The following CNTFR variants were observed in gnomAD, a reference collection of about 807,000 sequenced individuals.
The protein encoded by CNTFR is ciliary neurotrophic factor receptor.
In CNTFR, 12 loss-of-function variants were observed where a neutral mutation model predicts 40.4. That is an observed-to-expected ratio of 0.30 (90% CI 0.19 to 0.48). CNTFR has a LOEUF of 0.48. CNTFR is among the 20% of genes least tolerant of loss of function. The pLI, the probability that CNTFR is intolerant of heterozygous loss-of-function variation, is 0.99. For synonymous variants in CNTFR, 202 were observed against 209.6 expected (o/e 0.96, Z 0.31); for missense variants, 414 against 506.8 (o/e 0.82, Z 1.76).
chr9:34,576,976 C>T (rs897454956), intron 2 of CNTFR, among the ~76,000 whole-genome samples: 2 of 152,232 alleles, frequency 1.3e-5, no homozygotes, highest in East Asian at 3.8e-4. Context: ...ACTCCAGCCC[C>T]CCAGCCCCCA....
intron 1 of CNTFR, among the ~76,000 whole-genome samples, chr9:34,585,769 C>T (rs184286942): frequency 1.8e-4 from 28 of 152,304 alleles, no homozygotes; most frequent in Admixed American, 5.9e-4. Flanking sequence ...TCCCCCACTA[C>T]CCCCACCCAA....
At position 34,552,965 on chromosome 9, in the gene CNTFR, G is replaced by T; in HGVS notation, c.769-111C>A. ...GAGGAGAGGAGAGTAAAGGGCTCTG[G>T]GGGCAGTGAGGACTTCCCTGAGGAG... On this transcript the variant is annotated intron_variant, in intron 7 of 9. Coordinates refer to ENST00000378980, the MANE Select transcript of CNTFR (RefSeq NM_147164.3). This position sits in a 1 kb window ranked among gnomAD's most constrained non-coding sequence, Gnocchi z 5.1. 1 of 992,422 alleles carries T rather than the reference G, an allele frequency of 1.0e-6. No individual in the cohort carries two copies. The highest frequency in any genetic ancestry group is 1.5e-6 in the Non-Finnish European group (1 of 663,262). The allele number at this position is 992,422 out of a possible 1,614,324, so 61.5% of individuals were successfully genotyped here. A position where few individuals can be genotyped will look rare whatever the true frequency, so the allele number is the denominator to read the frequency against.
At chr9:34,570,571 A>C (rs1287547213) in intron 2 of CNTFR, among the ~76,000 whole-genome samples, 1 of 152,216 alleles carries the variant, frequency 6.6e-6, no homozygotes, top group African/African-American at 2.4e-5. Context: ...GCTTGAGAGA[A>C]GAGCCAGAGC....
chr9:34,571,498 T>A (rs1826639007), intron 2 of CNTFR: 1 of 152,022 alleles, frequency 6.6e-6, no homozygotes, highest in Admixed American at 6.6e-5. Flanking sequence ...TGGCCTCTAC[T>A]CCCAGCTCCT....
rs1448683820 is a variant in CNTFR at position 34,552,948 on chromosome 9, G to A, written c.769-94C>T. The A allele has an allele frequency of 8.1e-7, 1 of 1,234,126 alleles. No homozygotes were observed. Among genetic ancestry groups the A allele is most frequent in the Non-Finnish European group, 1.1e-6 (1 of 873,300 alleles). The allele number at this position is 1,234,126 out of a possible 1,614,324, so 76.4% of individuals were successfully genotyped here. ...GAAGTGAGCATGCCTCTGAGGAGAGGAGAGTAAAGGGCTCTGGGGGCAGTG... is the reference window on the plus strand; with the variant it reads ...GAAGTGAGCATGCCTCTGAGGAGAGAAGAGTAAAGGGCTCTGGGGGCAGTG... On this transcript the variant is annotated intron_variant, in intron 7 of 9. Coordinates refer to ENST00000378980, the MANE Select transcript of CNTFR (RefSeq NM_147164.3). This position sits in a 1 kb window ranked among gnomAD's most constrained non-coding sequence, Gnocchi z 5.1.
At position 34,564,706 on chromosome 9, in the gene CNTFR, C is replaced by T. The variant is rs765678109; in HGVS notation, c.212G>A (p.Gly71Asp). Reference sequence around the variant, plus strand: ...CAGGCCATGGAGCACCAGCTGAGAGCCGTTGAGCAGGTCAGGGGCCAGGTC... The same window carrying T: ...CAGGCCATGGAGCACCAGCTGAGAGTCGTTGAGCAGGTCAGGGGCCAGGTC... ...GTDLAPDLLN[G>D]SQLVLHGLEL... Residue 71 changes from glycine (G) to aspartate (D), a missense_variant, in exon 4 of 10, where the codon GGC becomes GAC. Around this residue, in one of 3 missense-constraint regions of CNTFR, gnomAD observed 250 missense variants for 269.5 expected, o/e 0.93. Transcript: ENST00000378980. 3 of 1,613,956 alleles carry T rather than the reference C, an allele frequency of 1.9e-6. No individual in the cohort carries two copies. Among genetic ancestry groups the T allele is most frequent in the African/African-American group, 2.7e-5 (2 of 74,904 alleles).
intron 7 of CNTFR, among the ~76,000 whole-genome samples, chr9:34,555,419 C>A (rs1174465103): frequency 1.3e-5 from 2 of 152,102 alleles, no homozygotes; most frequent in African/African-American, 4.8e-5. Context: ...CCCTCTCAAC[C>A]CCACTCCTAG....
intron 2 of CNTFR, among the ~76,000 whole-genome samples, chr9:34,575,829 T>A (rs775100286): frequency 3.9e-5 from 6 of 152,200 alleles, no homozygotes; most frequent in Non-Finnish European, 7.4e-5. Flanking sequence ...TTCTGTGTTC[T>A]GTTCTCTCTG....
intron 1 of CNTFR, among the ~76,000 whole-genome samples, chr9:34,585,940 G>T (rs1009603730): frequency 5.9e-5 from 9 of 152,206 alleles, no homozygotes; most frequent in East Asian, 3.8e-4. Flanking sequence ...GCCATGGGGG[G>T]GCAGAGAGCA....
At chr9:34,558,031 C>G (rs754269103) in intron 4 of CNTFR, 47 bp from the exon 5 acceptor site, 2 of 1,363,848 alleles carry the variant, frequency 1.5e-6, no homozygotes, top group African/African-American at 2.9e-5. Context: ...AGCTCCCAGT[C>G]CCCTGCACTG....
chr9:34,551,829 G>T lies in CNTFR; in HGVS notation c.*242C>A. ...CAGCCCAAGGGGCCAGGGTGAGGGGGTCTTTGGTGGGTGGGTTAGCTGCAT... is the reference window on the plus strand; with the variant it reads ...CAGCCCAAGGGGCCAGGGTGAGGGGTTCTTTGGTGGGTGGGTTAGCTGCAT... On this transcript the variant is annotated 3_prime_UTR_variant, in exon 10 of 10. Transcript: ENST00000378980. 1.6e-6 allele frequency: 1 copy of T among 637,010 alleles called. No homozygotes were observed. The highest frequency in any genetic ancestry group is 2.4e-5 in the Admixed American group (1 of 41,806). The allele number at this position is 637,010 out of a possible 1,614,324, so 39.5% of individuals were successfully genotyped here. A position where few individuals can be genotyped will look rare whatever the true frequency, so the allele number is the denominator to read the frequency against.
Position 34,554,017 on chromosome 9 carries a change from G to A in CNTFR, c.769-1163C>T, listed in dbSNP as rs189524422. Among the ~76,000 whole-genome samples, 221 of 152,238 alleles carry A rather than the reference G, an allele frequency of 1.5e-3. 4 individuals carry two copies. Among genetic ancestry groups the A allele is most frequent in the Admixed American group, 0.012 (178 of 15,294 alleles). ...GGGCATGTGCGGTGGGTCCAAGCGG[G>A]GCAGGAAGCCCCTCCAGTTCCTGCT... On this transcript the variant is annotated intron_variant, in intron 7 of 9. Transcript: ENST00000378980.
chr9:34,557,198 G>T lies in CNTFR; in HGVS notation c.604+328C>A, dbSNP rs1052339198. Among the ~76,000 whole-genome samples, 5 of 151,470 alleles carry T rather than the reference G, an allele frequency of 3.3e-5. No individual in the cohort carries two copies. In the East Asian group the frequency reaches 5.9e-4, roughly 18 times the overall value. On this transcript the variant is annotated intron_variant, in intron 6 of 9. Coordinates refer to ENST00000378980, the MANE Select transcript of CNTFR (RefSeq NM_147164.3). This position sits in a 1 kb window ranked among gnomAD's most constrained non-coding sequence, Gnocchi z 4.2. ...GTAAGGAAGCCATTAGAGTTGGGGG[G>T]GGGTGCGGTGGAGGCTGCAGCTGCA...
chr9:34,576,890 A>C (rs56208137), intron 2 of CNTFR, among the ~76,000 whole-genome samples: 16,865 of 152,238 alleles, frequency 0.11, 1,121 homozygotes, highest in East Asian at 0.3. Context: ...CTATGTGCCC[A>C]TAACTGTCTA....
intron 4 of CNTFR, 90 bp downstream of exon 4, chr9:34,564,509 C>G: frequency 8.4e-7 from 1 of 1,193,452 alleles, no homozygotes; most frequent in Non-Finnish European, 1.2e-6. Context: ...CTCTCCATGT[C>G]CCCCTAACAG....
intron 1 of CNTFR, among the ~76,000 whole-genome samples, chr9:34,586,123 G>A (rs1827534143): frequency 6.6e-6 from 1 of 152,178 alleles, no homozygotes; most frequent in South Asian, 2.1e-4. Flanking sequence ...CCCACCCACT[G>A]ATGTTCATAG....
chr9:34,564,445 A>G (rs559501451), intron 4 of CNTFR, among the ~76,000 whole-genome samples, 154 bp downstream of exon 4: 1 of 152,360 alleles, frequency 6.6e-6, no homozygotes, highest in South Asian at 2.1e-4. Context: ...CTCAGAGGCC[A>G]GAAGAGCGGG....
Position 34,557,420 on chromosome 9 carries a change from A to G in CNTFR, c.604+106T>C. 2 of 1,280,236 alleles carry G rather than the reference A, an allele frequency of 1.6e-6. No individual in the cohort carries two copies. The highest frequency in any genetic ancestry group is 2.2e-6 in the Non-Finnish European group (2 of 910,188). 79.3% of individuals were successfully genotyped at this position (1,280,236 alleles called of 1,614,324 possible). ...TACATACCTGTGCAGAGGCATGTAC[A>G]TGCCATGTATACATGTGCATGCATG... On this transcript the variant is annotated intron_variant, in intron 6 of 9. Transcript: ENST00000378980. This position sits in a 1 kb window ranked among gnomAD's most constrained non-coding sequence, Gnocchi z 4.2.
intron 3 of CNTFR, 33 bp downstream of exon 3, chr9:34,568,864 G>A: frequency 6.5e-7 from 1 of 1,547,510 alleles, no homozygotes. Context: ...GCTCTGAGAG[G>A]GGGGTCAGCA....
Sources: gnomAD v4.1 joint callset for allele counts (sites outside exome capture counted in the v4.1 genomes callset) on GRCh38, gnomAD v4.1.1 for gene constraint, gnomAD v4.1.1 regional missense constraint, Gnocchi (gnomAD v3.1) non-coding constraint, MANE v1.5 for transcripts, NCBI Gene and HGNC (gene_info 2026-07-23, HGNC 2026-07-21) for gene names.